Variants in PLOD1 observed in about 807,000 individuals in gnomAD.
The protein encoded by PLOD1 is lysine hydroxylase.
In PLOD1, 70 loss-of-function variants were observed where a neutral mutation model predicts 94.7. The ratio of observed to expected loss-of-function variants is 0.74; its 90% CI spans 0.61 to 0.90. The LOEUF is 0.90. Ranked by LOEUF, PLOD1 falls within the 40% of genes least tolerant of loss-of-function variation. The pLI is 0.00. For synonymous variants in PLOD1, 417 were observed against 400.2 expected (o/e 1.04, Z -0.50); for missense variants, 905 against 972.7 (o/e 0.93, Z 0.93).
intron 3 of PLOD1, among the ~76,000 whole-genome samples, 189 bp from the exon 4 acceptor site, chr1:11,950,168 G>A (rs765667232): frequency 1.3e-5 from 2 of 152,198 alleles, no homozygotes; most frequent in African/African-American, 2.4e-5. Flanking sequence ...TCTTTGCCCA[G>A]GGTGCGGGTG....
At chr1:11,973,510 A>T (rs372248539) in intron 18 of PLOD1, among the ~76,000 whole-genome samples, 8 of 152,234 alleles carry the variant, frequency 5.3e-5, no homozygotes, top group African/African-American at 1.7e-4. Context: ...CAAAAAAAAC[A>T]AAAAGAGGTT....
chr1:11,974,913 T>C lies in PLOD1; in HGVS notation c.*105T>C, dbSNP rs1445005357. 9.2e-7 allele frequency: 1 copy of C among 1,081,350 alleles called. No homozygotes were observed. The highest frequency in any genetic ancestry group is 1.7e-5 in the Admixed American group (1 of 58,882). 67.0% of individuals were successfully genotyped at this position (1,081,350 alleles called of 1,614,324 possible). A position where few individuals can be genotyped will look rare whatever the true frequency, so the allele number is the denominator to read the frequency against. On this transcript the variant is annotated 3_prime_UTR_variant, in exon 19 of 19. Coordinates refer to ENST00000196061, the MANE Select transcript of PLOD1 (RefSeq NM_000302.4). The stretch of plus-strand genomic sequence containing the variant: ...AGGGAACCCAGTCCAGCCTCCTGGC[T>C]GTTGACTTCCCATTGCTCTTGGAGC...
chr1:11,968,099 G>T (rs572421625), intron 16 of PLOD1, among the ~76,000 whole-genome samples: 1 of 151,688 alleles, frequency 6.6e-6, no homozygotes, highest in South Asian at 2.1e-4. Flanking sequence ...GACTACAGGC[G>T]TGTGCCACCA....
chr1:11,960,623 C>T (rs1453766192), intron 9 of PLOD1, 23 bp from the exon 10 acceptor site: 3 of 1,543,934 alleles, frequency 1.9e-6, no homozygotes, highest in Non-Finnish European at 1.8e-6. Context: ...CCCCCGCATC[C>T]CCTTCCCCAT....
In PLOD1 at chr1:11,967,569, T is replaced by G. The variant is rs113930029; in HGVS notation, c.1755+478T>G. Among the ~76,000 whole-genome samples, 751 of 112,112 alleles carry G rather than the reference T, an allele frequency of 6.7e-3. 13 individuals carry two copies. The highest frequency in any genetic ancestry group is 0.024 in the African/African-American group (719 of 29,510). 73.5% of individuals were successfully genotyped at this position (112,112 alleles called of 152,430 possible). On this transcript the variant is annotated intron_variant, in intron 16 of 18. Transcript: ENST00000196061. Reference sequence around the variant, plus strand: ...GTCCTGGAAAGTTCAGGTACCATTTTTTTTTTTCTTTTCATGTGTGTGTGT... The same window carrying G: ...GTCCTGGAAAGTTCAGGTACCATTTGTTTTTTTCTTTTCATGTGTGTGTGT...
rs1337673654 is a variant in PLOD1 at position 11,974,774 on chromosome 1, C to T, written c.2150C>T (p.Thr717Ile). ...GAGGGGCTCCCCACCACCAGGGGCA[C>T]CCGCTACATCGCAGTCTCCTTCGTC... The part of the protein sequence containing the change: ...YHEGLPTTRG[T>I]RYIAVSFVDP Residue 717 changes from threonine to isoleucine, a missense_variant, in exon 19 of 19, where the codon ACC (threonine) becomes ATC (isoleucine). Transcript: ENST00000196061. 1 of 1,614,130 alleles carries T rather than the reference C, an allele frequency of 6.2e-7. No homozygotes were observed. The highest frequency in any genetic ancestry group is 1.3e-5 in the African/African-American group (1 of 75,034).
chr1:11,956,091 A>C (rs1645735773), intron 6 of PLOD1, among the ~76,000 whole-genome samples: 1 of 150,336 alleles, frequency 6.7e-6, no homozygotes, highest in South Asian at 2.2e-4. Flanking sequence ...GTGCAGACTA[A>C]TAGGGTCAAA....
At chr1:11,950,072 T>C (rs1645688633) in intron 3 of PLOD1, among the ~76,000 whole-genome samples, 166 bp downstream of exon 3, 1 of 152,182 alleles carries the variant, frequency 6.6e-6, no homozygotes, top group African/African-American at 2.4e-5. Flanking sequence ...ATTCCCAGGC[T>C]TGGTGAAAAG....
intron 17 of PLOD1, among the ~76,000 whole-genome samples, chr1:11,971,117 C>CG (rs1194503777): frequency 9.1e-5 from 5 of 54,938 alleles, no homozygotes; most frequent in Non-Finnish European, 1.4e-4. Flanking sequence ...CCTAGAGGGG[C>CG]GGGGGGGCAG....
chr1:11,949,937 C>A (rs1175194863), intron 3 of PLOD1, 31 bp downstream of exon 3: 2 of 1,609,324 alleles, frequency 1.2e-6, no homozygotes, highest in Admixed American at 3.3e-5. Context: ...TAGCCTGGGC[C>A]CCTCCGCGGA....
chr1:11,934,932 A>G lies in PLOD1; in HGVS notation c.76+77A>G, dbSNP rs1443264201. The stretch of plus-strand genomic sequence containing the variant: ...GTGTCGGGCTGCCTCCCTGGGAACG[A>G]CCTGAATGGGAGGCCTGGGCTGGAG... On this transcript the variant is annotated intron_variant, in intron 1 of 18. Transcript: ENST00000196061. 3 of 1,485,122 alleles carry G rather than the reference A, an allele frequency of 2.0e-6. No homozygotes were observed. In the South Asian group the frequency reaches 3.8e-5, roughly 19 times the overall value. 92.0% of individuals were successfully genotyped at this position (1,485,122 alleles called of 1,614,324 possible).
In PLOD1 at chr1:11,957,069, A is replaced by C; in HGVS notation, c.741+55A>C. ...GGGAGGGGGCCAGAGCCCTAATTTCATTCTCACTGTGACCCCACAGTGTCT... is the reference window on the plus strand; with the variant it reads ...GGGAGGGGGCCAGAGCCCTAATTTCCTTCTCACTGTGACCCCACAGTGTCT... On this transcript the variant is annotated intron_variant, in intron 7 of 18. Transcript: ENST00000196061. This position sits in a 1 kb window ranked among gnomAD's most constrained non-coding sequence, Gnocchi z 4.1. 2.4e-5 allele frequency: 28 copies of C among 1,166,704 alleles called. No individual in the cohort carries two copies. The highest frequency in any genetic ancestry group is 3.5e-5 in the Non-Finnish European group (27 of 771,438). The allele number at this position is 1,166,704 out of a possible 1,614,324, so 72.3% of individuals were successfully genotyped here.
Position 11,963,065 on chromosome 1 carries a change from A to T in PLOD1, c.1098-467A>T, listed in dbSNP as rs1342668494. On this transcript the variant is annotated intron_variant, in intron 10 of 18. Coordinates refer to ENST00000196061, the MANE Select transcript of PLOD1 (RefSeq NM_000302.4). This position sits in a 1 kb window ranked among gnomAD's most constrained non-coding sequence, Gnocchi z 4.3. ...CAAAAAAATAAAATAAAATAAAAAT[A>T]AAAAAAAGAAAAACATAAAGCTGTT... Among the ~76,000 whole-genome samples, 1 of 151,986 alleles carries T rather than the reference A, an allele frequency of 6.6e-6. No homozygotes were observed. The highest frequency in any genetic ancestry group is 6.6e-5 in the Admixed American group (1 of 15,238).
chr1:11,936,741 T>C (rs991546512), intron 1 of PLOD1, among the ~76,000 whole-genome samples: 13 of 152,112 alleles, frequency 8.5e-5, no homozygotes, highest in African/African-American at 3.1e-4. Context: ...CAGGCTGGTT[T>C]CAAACTCCTG....
intron 1 of PLOD1, among the ~76,000 whole-genome samples, chr1:11,945,858 G>A (rs1438013683): frequency 6.6e-6 from 1 of 152,072 alleles, no homozygotes; most frequent in African/African-American, 2.4e-5. Flanking sequence ...ACAGGCACAT[G>A]CCACCACGCC....
chr1:11,963,529 C>CT lies in PLOD1; in HGVS notation c.1098-3_1098-2insT. 1 of 1,587,944 alleles carries CT rather than the reference C, an allele frequency of 6.3e-7. No individual in the cohort carries two copies. Among genetic ancestry groups the CT allele is most frequent in the Non-Finnish European group, 8.6e-7 (1 of 1,166,024 alleles). ...CACTGACCCTGTGTCCTCCTCCTTG[C>CT]AGAGACCTGTGCCGGCAGGACCGCA... On this transcript the variant is annotated splice_polypyrimidine_tract_variant and splice_region_variant and intron_variant, in intron 10 of 18. Coordinates refer to ENST00000196061, the MANE Select transcript of PLOD1 (RefSeq NM_000302.4). This position sits in a 1 kb window ranked among gnomAD's most constrained non-coding sequence, Gnocchi z 4.3.
In PLOD1 at chr1:11,963,786, C is replaced by T. The variant is rs1346531702; in HGVS notation, c.1202+150C>T. 2 of 695,570 alleles carry T rather than the reference C, an allele frequency of 2.9e-6. No homozygotes were observed. Among genetic ancestry groups the T allele is most frequent in the Non-Finnish European group, 5.3e-6 (2 of 380,146 alleles). 43.1% of individuals were successfully genotyped at this position (695,570 alleles called of 1,614,324 possible). The stretch of plus-strand genomic sequence containing the variant: ...GCTCCTCTTTCTCCTCCTCGTCTTC[C>T]TCCTTGTCTTCCTCCTCCTCTTCCT... On this transcript the variant is annotated intron_variant, in intron 11 of 18. Transcript: ENST00000196061. The surrounding 1 kb of genome is among the most constrained non-coding windows in gnomAD (Gnocchi z 4.3).
At chr1:11,965,668 TCA>T (rs1645812266) in intron 14 of PLOD1, 75 bp downstream of exon 14, 2 of 916,262 alleles carry the variant, frequency 2.2e-6, no homozygotes, top group East Asian at 4.8e-5. Flanking sequence ...GACTTCCCTC[TCA>T]GAGTCTTACA....
chr1:11,936,210 G>A (rs560584326), intron 1 of PLOD1, among the ~76,000 whole-genome samples: 2 of 152,110 alleles, frequency 1.3e-5, no homozygotes, highest in Middle Eastern at 3.4e-3. Context: ...GAGGTGGTTG[G>A]TCCGAGGTCA....
Sources: gnomAD v4.1 joint callset for allele counts (sites outside exome capture counted in the v4.1 genomes callset) on GRCh38, gnomAD v4.1.1 for gene constraint, Gnocchi (gnomAD v3.1) non-coding constraint, MANE v1.5 for transcripts, NCBI Gene and HGNC (gene_info 2026-07-23, HGNC 2026-07-21) for gene names.